The following ENTREP2 variants were observed in gnomAD, a reference collection of about 807,000 sequenced individuals.
ENTREP2 encodes the protein protein ENTREP2.
At chr15:29,319,811 C>T in the ENTREP2 span, among the ~76,000 whole-genome samples, 5 of 152,178 alleles carry the variant, frequency 3.3e-5, no homozygotes, top group African/African-American at 1.2e-4. Flanking sequence ...AGCCTCCAAA[C>T]GTTAATTCTG....
chr15:29,237,281 C>A, the ENTREP2 span, among the ~76,000 whole-genome samples: 3 of 152,066 alleles, frequency 2.0e-5, no homozygotes, highest in Non-Finnish European at 2.9e-5. Flanking sequence ...AATATTTTCT[C>A]CCTGTCTGTA....
At chr15:29,295,724 A>G in the ENTREP2 span, among the ~76,000 whole-genome samples, 1 of 152,200 alleles carries the variant, frequency 6.6e-6, no homozygotes, top group African/African-American at 2.4e-5. Flanking sequence ...TCTGATAACC[A>G]TCCTGGCTAC....
At chr15:29,169,142 T>C in the ENTREP2 span, among the ~76,000 whole-genome samples, 2 of 152,244 alleles carry the variant, frequency 1.3e-5, no homozygotes, top group Non-Finnish European at 2.9e-5. Context: ...TACACATACA[T>C]GCATATATAC....
chr15:29,147,797 T>C, the ENTREP2 span, among the ~76,000 whole-genome samples: 1 of 152,168 alleles, frequency 6.6e-6, no homozygotes, highest in South Asian at 2.1e-4. Context: ...CCAAGGTATA[T>C]ACTCAAGATA....
chr15:29,495,020 A>G, the ENTREP2 span, among the ~76,000 whole-genome samples: 1 of 151,878 alleles, frequency 6.6e-6, no homozygotes, highest in Non-Finnish European at 1.5e-5. Context: ...GTGTAGATTT[A>G]TCTTTAAAAC....
the ENTREP2 span, among the ~76,000 whole-genome samples, chr15:29,209,365 G>T: frequency 2.0e-5 from 3 of 152,122 alleles, no homozygotes; most frequent in Non-Finnish European, 4.4e-5. Flanking sequence ...AGCTGGGCGT[G>T]GTGGTGGGCA....
At chr15:29,497,904 A>AT in the ENTREP2 span, among the ~76,000 whole-genome samples, 1 of 151,924 alleles carries the variant, frequency 6.6e-6, no homozygotes, top group Non-Finnish European at 1.5e-5. Context: ...TCATGTAGGC[A>AT]TTTTTCACTA....
At chr15:29,452,637 GGT>G in the ENTREP2 span, 8 of 152,180 alleles carry the variant, frequency 5.3e-5, no homozygotes, top group Non-Finnish European at 1.0e-4. Context: ...TCACAGGGTA[GGT>G]GTGAGTCTGC....
At chr15:29,443,964 C>T in the ENTREP2 span, among the ~76,000 whole-genome samples, 2 of 152,048 alleles carry the variant, frequency 1.3e-5, no homozygotes, top group East Asian at 1.9e-4. Flanking sequence ...ATTAGCCAGG[C>T]GTGATGGTGG....
chr15:29,457,156 G>A, the ENTREP2 span, among the ~76,000 whole-genome samples: 2 of 152,218 alleles, frequency 1.3e-5, no homozygotes, highest in Admixed American at 6.5e-5. Flanking sequence ...CCAAAGGAAA[G>A]GAAGCACAGA....
the ENTREP2 span, among the ~76,000 whole-genome samples, chr15:29,617,833 G>C: frequency 6.6e-6 from 1 of 152,208 alleles, no homozygotes; most frequent in African/African-American, 2.4e-5. Flanking sequence ...CTGAGCCTGA[G>C]GCCCAGGGCA....
At chr15:29,620,639 AAAAT>A in the ENTREP2 span, among the ~76,000 whole-genome samples, 3 of 152,206 alleles carry the variant, frequency 2.0e-5, no homozygotes, top group South Asian at 6.2e-4. Context: ...CCATGTCTCT[AAAAT>A]AAATAAATGA....
At chr15:29,203,063 T>C in the ENTREP2 span, among the ~76,000 whole-genome samples, 3 of 152,214 alleles carry the variant, frequency 2.0e-5, no homozygotes, top group Non-Finnish European at 2.9e-5. Context: ...ATTGCCACAC[T>C]GTCTTCCACA....
chr15:29,155,188 A>G, the ENTREP2 span, among the ~76,000 whole-genome samples: 8 of 152,114 alleles, frequency 5.3e-5, no homozygotes, highest in African/African-American at 1.9e-4. Flanking sequence ...AGGCTGAGGC[A>G]GGAGAATGGC....
the ENTREP2 span, among the ~76,000 whole-genome samples, chr15:29,303,106 C>A: frequency 2.0e-5 from 3 of 152,108 alleles, no homozygotes; most frequent in African/African-American, 7.2e-5. Context: ...CTTCGGAGCC[C>A]ACACGACACT....
the ENTREP2 span, among the ~76,000 whole-genome samples, chr15:29,449,183 A>G: frequency 2.0e-5 from 3 of 152,252 alleles, no homozygotes; most frequent in Non-Finnish European, 2.9e-5. Flanking sequence ...TAATGAGAAC[A>G]GAGGGGTCTC....
the ENTREP2 span, among the ~76,000 whole-genome samples, chr15:29,536,820 G>A: frequency 2.0e-5 from 3 of 152,188 alleles, no homozygotes; most frequent in African/African-American, 7.2e-5. Context: ...GAGAGCCCCA[G>A]GTGAAGACGG....
chr15:29,536,571 TCCAG>T, the ENTREP2 span, among the ~76,000 whole-genome samples: 5 of 142,212 alleles, frequency 3.5e-5, no homozygotes, highest in African/African-American at 1.3e-4. Context: ...GCCACTGCAC[TCCAG>T]CCTGAGCAAC....
the ENTREP2 span, chr15:29,381,895 A>C: frequency 1.4e-6 from 2 of 1,445,006 alleles, no homozygotes; most frequent in South Asian, 1.2e-5. Flanking sequence ...CAATCAAAAC[A>C]CTGTGAACCG....
Sources: gnomAD v4.1 joint callset for allele counts (sites outside exome capture counted in the v4.1 genomes callset) on GRCh38, gnomAD v4.1.1 for gene constraint, MANE v1.5 for transcripts, NCBI Gene and HGNC (gene_info 2026-07-23, HGNC 2026-07-21) for gene names.